C10orf105: variants seen among roughly 807,000 people sequenced by gnomAD.
C10orf105 encodes chromosome 10 open reading frame 105.
In C10orf105, 2 loss-of-function variants were observed where a neutral mutation model predicts 0.6. The ratio of observed to expected loss-of-function variants is 3.18; its 90% CI spans 1.30 to 10.01. The LOEUF (loss-of-function observed/expected upper bound fraction) is 10.01, where lower values mean the gene tolerates loss of function less well. Among genes scored for constraint, C10orf105 ranks in the 30% most tolerant of loss-of-function variants. C10orf105 has a pLI of 0.04. For synonymous variants in C10orf105, 95 were observed against 82.4 expected, an observed-to-expected ratio of 1.15 and a Z score of -0.83; for missense variants, 209 against 191.4, an observed-to-expected ratio of 1.09 and a Z score of -0.54.
At chr10:71,734,426 C>T (rs998089753) in intron 1 of C10orf105, 1 of 1,492,402 alleles carries the variant, frequency 6.7e-7, no homozygotes. Context: ...GCCAGCCACC[C>T]AATGTATGGG....
intron 1 of C10orf105, among the ~76,000 whole-genome samples, chr10:71,737,022 G>A (rs969440215): frequency 6.6e-6 from 1 of 152,170 alleles, no homozygotes; most frequent in Non-Finnish European, 1.5e-5. Flanking sequence ...GAGGAAACAC[G>A]GTGAGTCTAA....
Position 71,716,153 on chromosome 10 carries a change from G to A in C10orf105, c.185C>T (p.Ala62Val), listed in dbSNP as rs1203647125. Reference protein sequence around the residue: ...CLLFMTLCKPAALDPSRRRAH... With the variant: ...CLLFMTLCKPVALDPSRRRAH... ...CCTGCGGCGGCTCGGGTCCAGCGCGGCCGGCTTGCAGAGCGTCATGAACAG... is the reference window on the plus strand; with the variant it reads ...CCTGCGGCGGCTCGGGTCCAGCGCGACCGGCTTGCAGAGCGTCATGAACAG... The change falls in exon 2 of 2, where the codon GCC (alanine) becomes GTC (valine). Residue 62 changes from alanine to valine, a missense_variant. By Grantham distance (64) the Ala-to-Val change is moderately conservative (BLOSUM62 0). Transcript: ENST00000441508. 1.3e-6 allele frequency: 2 copies of A among 1,550,534 alleles called. No individual in the cohort carries two copies. Among genetic ancestry groups the A allele is most frequent in the Non-Finnish European group, 1.7e-6 (2 of 1,146,700 alleles).
chr10:71,725,409 T>C lies in C10orf105; in HGVS notation c.-5-9067A>G, dbSNP rs751046027. ...ACAACTTCCGGATCCATGTCAGCAA[T>C]GGGCTCCTGATGCGAGGGCCCCGGC... On this transcript the variant is annotated intron_variant, in intron 1 of 1. Coordinates refer to the C10orf105 transcript ENST00000398786. 5.0e-6 allele frequency: 8 copies of C among 1,614,028 alleles called. 1 individual carries two copies. The South Asian group carries it at 8.8e-5, about 18-fold the overall frequency.
chr10:71,728,410 C>T (rs1186308839), intron 1 of C10orf105, among the ~76,000 whole-genome samples: 1 of 152,100 alleles, frequency 6.6e-6, no homozygotes, highest in Non-Finnish European at 1.5e-5. Flanking sequence ...GCCTCTCTGC[C>T]CCCAGCCCTG....
At chr10:71,731,377 G>GC (rs1172979724) in intron 1 of C10orf105, among the ~76,000 whole-genome samples, 1 of 152,250 alleles carries the variant, frequency 6.6e-6, no homozygotes, top group Non-Finnish European at 1.5e-5. Context: ...AGGAATGGCT[G>GC]CAAATTCTCA....
chr10:71,721,889 C>CA (rs1314466184), upstream of C10orf105, among the ~76,000 whole-genome samples: 1 of 152,224 alleles, frequency 6.6e-6, no homozygotes, highest in Non-Finnish European at 1.5e-5. Context: ...TTAGCCTCCC[C>CA]AGCTGCCTCT....
At chr10:71,730,016 A>G (rs1170826423) in intron 1 of C10orf105, among the ~76,000 whole-genome samples, 1 of 151,924 alleles carries the variant, frequency 6.6e-6, no homozygotes, top group African/African-American at 2.4e-5. Context: ...TTGTATTTTT[A>G]GTAGAGATGG....
chr10:71,717,453 G>A (rs562076523), intron 1 of C10orf105: 1 of 152,392 alleles, frequency 6.6e-6, no homozygotes, highest in South Asian at 2.1e-4. Flanking sequence ...ACCCCCCAGG[G>A]ACATCATACA....
chr10:71,728,900 T>A (rs1866933162), intron 1 of C10orf105, among the ~76,000 whole-genome samples: 1 of 152,146 alleles, frequency 6.6e-6, no homozygotes, highest in Non-Finnish European at 1.5e-5. Context: ...CTCATTATGT[T>A]GCCCAGGCTG....
intron 1 of C10orf105, among the ~76,000 whole-genome samples, chr10:71,737,426 ACT>A (rs1231333723): frequency 1.3e-5 from 2 of 152,192 alleles, no homozygotes; most frequent in Non-Finnish European, 2.9e-5. Context: ...GCCCAGGCTC[ACT>A]CTCCTATACT....
chr10:71,731,603 C>A (rs1003599266), intron 1 of C10orf105, among the ~76,000 whole-genome samples: 5 of 152,176 alleles, frequency 3.3e-5, no homozygotes, highest in African/African-American at 1.2e-4. Context: ...CAAGGCTTGG[C>A]CATCTGTGAG....
intron 1 of C10orf105, among the ~76,000 whole-genome samples, chr10:71,731,357 G>C (rs575931434): frequency 2.6e-5 from 4 of 152,368 alleles, no homozygotes; most frequent in African/African-American, 9.6e-5. Flanking sequence ...GCATGGGATG[G>C]GGTGGAGGGA....
At position 71,713,511 on chromosome 10, in the gene C10orf105, G is replaced by C. The variant is rs1220927421; in HGVS notation, c.*2425C>G. 1 of 543,170 alleles carries C rather than the reference G, an allele frequency of 1.8e-6. No homozygotes were observed. Among genetic ancestry groups the C allele is most frequent in the East Asian group, 3.1e-5 (1 of 31,932 alleles). 33.6% of individuals were successfully genotyped at this position (543,170 alleles called of 1,614,324 possible). A position where few individuals can be genotyped will look rare whatever the true frequency, so the allele number is the denominator to read the frequency against. ...GGAGGGACAGAAGCGTGGGAGGCTG[G>C]CAATGCTCCCCTCCCTGCATCGGGA... On this transcript the variant is annotated 3_prime_UTR_variant, in exon 2 of 2. Coordinates refer to ENST00000441508, the MANE Select transcript of C10orf105 (RefSeq NM_001164375.3).
rs1866022073 is a variant in C10orf105 at position 71,712,649 on chromosome 10, C to T, written c.*3287G>A. 1 of 1,612,324 alleles carries T rather than the reference C, an allele frequency of 6.2e-7. No individual in the cohort carries two copies. Among genetic ancestry groups the T allele is most frequent in the Admixed American group, 1.7e-5 (1 of 59,966 alleles). On this transcript the variant is annotated 3_prime_UTR_variant, in exon 2 of 2. Transcript: ENST00000441508. ...TCAGGCAGCTGCTAACACCTGTCTT[C>T]CTTCAACTCCCACAGACAACGGCCC...
At chr10:71,718,892 C>T (rs1430999172) in intron 1 of C10orf105, among the ~76,000 whole-genome samples, 2 of 150,284 alleles carry the variant, frequency 1.3e-5, no homozygotes, top group Non-Finnish European at 3.0e-5. Flanking sequence ...CATAGTGAGT[C>T]TTCATTTCTG....
At chr10:71,731,890 G>A in intron 1 of C10orf105, 1 of 1,346,460 alleles carries the variant, frequency 7.4e-7, no homozygotes, top group Non-Finnish European at 1.0e-6. Context: ...ATGCTGGGTG[G>A]GCCACCCAGG....
chr10:71,715,966 G>A lies in C10orf105; in HGVS notation c.372C>T (p.His124=). The stretch of plus-strand genomic sequence containing the variant: ...TCTTGGTAGATTCCATGTAGTCACA[G>A]TGGCTGCGGTTGTCCTCGGGGCCCG... ...PLPGPEDNRS[H]CDYMESTKM The change falls in exon 2 of 2, where the codon CAC becomes CAT. Residue 124 remains histidine, a synonymous_variant. Coordinates refer to ENST00000441508, the MANE Select transcript of C10orf105 (RefSeq NM_001164375.3). 1 of 1,482,276 alleles carries A rather than the reference G, an allele frequency of 6.7e-7. No homozygotes were observed. Among genetic ancestry groups the A allele is most frequent in the Non-Finnish European group, 9.0e-7 (1 of 1,117,030 alleles). 91.8% of individuals were successfully genotyped at this position (1,482,276 alleles called of 1,614,324 possible). A position where few individuals can be genotyped will look rare whatever the true frequency, so the allele number is the denominator to read the frequency against.
chr10:71,722,474 C>T (rs1368191263), upstream of C10orf105, among the ~76,000 whole-genome samples: 3 of 152,194 alleles, frequency 2.0e-5, no homozygotes, highest in Non-Finnish European at 4.4e-5. Context: ...AGCCTAGTTC[C>T]TCTCCCTGGA....
At chr10:71,717,735 T>C (rs1866343172) in intron 1 of C10orf105, 1 of 152,224 alleles carries the variant, frequency 6.6e-6, no homozygotes. Flanking sequence ...AGGCCCAGTG[T>C]GGTCAGCTCT....
Sources: allele counts gnomAD v4.1 joint callset (sites outside exome capture counted in the v4.1 genomes callset), GRCh38; gene constraint gnomAD v4.1.1; transcripts MANE v1.5; gene names NCBI Gene and HGNC (gene_info 2026-07-23, HGNC 2026-07-21).